Variants in FRMD3 observed in about 807,000 individuals in gnomAD.
FRMD3 encodes FERM domain containing 3.
In FRMD3, 33 loss-of-function variants were observed where a neutral mutation model predicts 70.2. The ratio of observed to expected loss-of-function variants is 0.47; its 90% CI spans 0.36 to 0.63. The LOEUF (loss-of-function observed/expected upper bound fraction) is 0.63, where lower values mean the gene tolerates loss of function less well. Among genes scored for constraint, FRMD3 ranks in the 20% least tolerant of loss-of-function variants. The pLI is 0.00. For synonymous variants in FRMD3, 279 were observed against 255.9 expected (o/e 1.09, Z -0.86); for missense variants, 632 against 711.4 (o/e 0.89, Z 1.27).
the FRMD3 span, among the ~76,000 whole-genome samples, chr9:83,572,343 G>A: frequency 3.9e-5 from 6 of 152,180 alleles, no homozygotes; most frequent in Admixed American, 2.0e-4. Flanking sequence ...AATCAGTGCC[G>A]AGAAAGGACA....
chr9:83,472,124 C>T (rs990998497), intron 1 of FRMD3, among the ~76,000 whole-genome samples: 4 of 152,092 alleles, frequency 2.6e-5, no homozygotes, highest in Admixed American at 6.5e-5. Flanking sequence ...GCCCTATTTT[C>T]CCCAGAACTC....
intron 12 of FRMD3, among the ~76,000 whole-genome samples, chr9:83,293,911 A>G (rs996222571): frequency 6.6e-6 from 1 of 152,232 alleles, no homozygotes; most frequent in Non-Finnish European, 1.5e-5. Flanking sequence ...GGATACAACT[A>G]GGGATTTCCC....
In FRMD3 at chr9:83,352,433, T is replaced by G. The variant is rs189138376; in HGVS notation, c.296-2676A>C. 5.3e-5 allele frequency among the ~76,000 whole-genome samples: 8 copies of G among 152,244 alleles called. No homozygotes were observed. In the East Asian group the frequency reaches 1.5e-3, roughly 29 times the overall value. On this transcript the variant is annotated intron_variant, in intron 3 of 13. Transcript: ENST00000304195. ...AGCATCGGAGCTCCTCAGATACAAA[T>G]AGTGACTCACACTTGTTCCAAAGGA...
chr9:83,243,690 G>A (rs1282722199), downstream of FRMD3, among the ~76,000 whole-genome samples: 1 of 152,154 alleles, frequency 6.6e-6, no homozygotes, highest in Non-Finnish European at 1.5e-5. Flanking sequence ...GTAGTCTAGA[G>A]CCTGTACTTC....
chr9:83,297,855 G>A (rs908116700), intron 12 of FRMD3: 24 of 470,948 alleles, frequency 5.1e-5, no homozygotes, highest in African/African-American at 1.6e-4. Flanking sequence ...TCTGCTCCCC[G>A]GTGTGGGAGA....
intron 6 of FRMD3, among the ~76,000 whole-genome samples, chr9:83,314,751 G>A (rs570873683): frequency 5.3e-4 from 81 of 152,182 alleles, no homozygotes; most frequent in Middle Eastern, 3.4e-3. Context: ...ATCATGATCC[G>A]CACAGTGTAG....
At chr9:83,256,358 C>T (rs964315923) in intron 13 of FRMD3, among the ~76,000 whole-genome samples, 2 of 152,068 alleles carry the variant, frequency 1.3e-5, no homozygotes, top group African/African-American at 2.4e-5. Flanking sequence ...ACACCATGTA[C>T]AAAAACTAAC....
intron 6 of FRMD3, among the ~76,000 whole-genome samples, chr9:83,326,341 G>T (rs1295861735): frequency 6.6e-6 from 1 of 152,132 alleles, no homozygotes; most frequent in African/African-American, 2.4e-5. Context: ...CAAGCAGGAT[G>T]TCGAGATATT....
intron 1 of FRMD3, among the ~76,000 whole-genome samples, chr9:83,453,906 G>A (rs11140099): frequency 0.22 from 34,078 of 151,530 alleles, 3,925 homozygotes; most frequent in Non-Finnish European, 0.26. Context: ...TAGTAGAGAC[G>A]GGGTTTTGCC....
intron 13 of FRMD3, among the ~76,000 whole-genome samples, chr9:83,272,103 C>A (rs901148172): frequency 2.6e-5 from 4 of 151,546 alleles, no homozygotes; most frequent in African/African-American, 4.9e-5. Context: ...TCTCTGTCTC[C>A]CTCTCTCTCC....
downstream of FRMD3, among the ~76,000 whole-genome samples, chr9:83,244,352 G>T (rs1046553235): frequency 6.6e-6 from 1 of 151,848 alleles, no homozygotes; most frequent in African/African-American, 2.4e-5. Context: ...TTTTTTCTGT[G>T]CTTTTCTATT....
At chr9:83,272,550 T>G (rs1833607573) in intron 13 of FRMD3, among the ~76,000 whole-genome samples, 2 of 151,706 alleles carry the variant, frequency 1.3e-5, no homozygotes, top group South Asian at 4.2e-4. Flanking sequence ...GTGAGGAGCA[T>G]CTCTGCCTGG....
Position 83,315,446 on chromosome 9 carries a change from G to C in FRMD3, c.597-1699C>G, listed in dbSNP as rs1252947454. Among the ~76,000 whole-genome samples the C allele has an allele frequency of 5.3e-5, 8 of 152,250 alleles. No homozygotes were observed. The East Asian group carries it at 1.5e-3, about 29-fold the overall frequency. ...TGTCGAATTGTAATCCCCAACGTTG[G>C]AGGAGGGGCCTGGCGGGAGGTGATT... On this transcript the variant is annotated intron_variant, in intron 6 of 13. Transcript: ENST00000304195.
intron 13 of FRMD3, among the ~76,000 whole-genome samples, chr9:83,272,511 T>C (rs2118820526): frequency 6.6e-6 from 1 of 152,296 alleles, no homozygotes; most frequent in South Asian, 2.1e-4. Flanking sequence ...AGATTGCAGC[T>C]TCTGCCCGGC....
intron 7 of FRMD3, among the ~76,000 whole-genome samples, chr9:83,312,842 C>G (rs539676836): frequency 1.7e-3 from 259 of 151,726 alleles, no homozygotes; most frequent in African/African-American, 6.0e-3. Flanking sequence ...GCTAATGAAG[C>G]TCTCCAGGTG....
intron 1 of FRMD3, among the ~76,000 whole-genome samples, chr9:83,469,176 C>T (rs1040964397): frequency 6.6e-6 from 1 of 152,200 alleles, no homozygotes; most frequent in Non-Finnish European, 1.5e-5. Flanking sequence ...TGGCTGGAGA[C>T]AGTCCATCGC....
At chr9:83,581,085 T>C in the FRMD3 span, among the ~76,000 whole-genome samples, 1 of 135,982 alleles carries the variant, frequency 7.4e-6, no homozygotes, top group South Asian at 2.5e-4. Flanking sequence ...ATTAAAGGTT[T>C]ACTTTTTAAA....
At chr9:83,447,270 A>G (rs1587861365) in intron 1 of FRMD3, among the ~76,000 whole-genome samples, 2 of 152,068 alleles carry the variant, frequency 1.3e-5, no homozygotes, top group Non-Finnish European at 2.9e-5. Context: ...TGATCTGCCC[A>G]CCTCGGCCTC....
chr9:83,454,171 A>G (rs1314631739), intron 1 of FRMD3, among the ~76,000 whole-genome samples: 1 of 152,208 alleles, frequency 6.6e-6, no homozygotes, highest in African/African-American at 2.4e-5. Flanking sequence ...ATATTAGTAC[A>G]TCTTTTGTAG....
Sources: gnomAD v4.1 joint callset for allele counts (sites outside exome capture counted in the v4.1 genomes callset) on GRCh38, gnomAD v4.1.1 for gene constraint, MANE v1.5 for transcripts, NCBI Gene and HGNC (gene_info 2026-07-23, HGNC 2026-07-21) for gene names.